MACROD2: variants seen among roughly 807,000 people sequenced by gnomAD.
MACROD2 encodes the protein mono-ADP ribosylhydrolase 2, also known as ADP-ribose glycohydrolase MACROD2.
Under a neutral mutation model 70.4 loss-of-function variants are expected in MACROD2, and 36 were observed. The ratio of observed to expected loss-of-function variants is 0.51; its 90% CI spans 0.39 to 0.68. The LOEUF is 0.68. MACROD2 is among the 30% of genes least tolerant of loss of function. The pLI is 0.00. For missense variants in MACROD2, 496 were observed against 538.4 expected (o/e 0.92, Z 0.78); for synonymous variants, 172 against 178.8 (o/e 0.96, Z 0.30).
At position 14,815,013 on chromosome 20, in the gene MACROD2, G is replaced by T. The variant is rs375016376; in HGVS notation, c.418+130054G>T. ...GTTAAACACTATATCCTGAAACAATGACCTGGAATTTTGCAAACAAAAGAG... is the reference window on the plus strand; with the variant it reads ...GTTAAACACTATATCCTGAAACAATTACCTGGAATTTTGCAAACAAAAGAG... On this transcript the variant is annotated intron_variant, in intron 5 of 17. Coordinates refer to ENST00000684519, the MANE Select transcript of MACROD2 (RefSeq NM_001351661.2). 2.6e-5 allele frequency among the ~76,000 whole-genome samples: 4 copies of T among 151,952 alleles called. No homozygotes were observed. The East Asian group carries it at 5.8e-4, about 22-fold the overall frequency.
At chr20:15,055,934 C>A (rs1390140444) in intron 5 of MACROD2, among the ~76,000 whole-genome samples, 6 of 151,806 alleles carry the variant, frequency 4.0e-5, no homozygotes, top group Non-Finnish European at 7.4e-5. Context: ...TTATAGGCGC[C>A]CACCACCATG....
At chr20:14,801,022 A>G (rs1482737541) in intron 5 of MACROD2, among the ~76,000 whole-genome samples, 1 of 152,164 alleles carries the variant, frequency 6.6e-6, no homozygotes, top group Non-Finnish European at 1.5e-5. Context: ...CTCAATGTTT[A>G]TACAAAGGGA....
intron 15 of MACROD2, among the ~76,000 whole-genome samples, chr20:15,989,143 A>G (rs538908566): frequency 7.6e-4 from 116 of 152,336 alleles, no homozygotes; most frequent in Middle Eastern, 3.4e-3. Context: ...AATGCACTCC[A>G]TAAGTATTTA....
In MACROD2 at chr20:15,031,432, G is replaced by A. The variant is rs940139083; in HGVS notation, c.419-198508G>A. 2.6e-5 allele frequency among the ~76,000 whole-genome samples: 4 copies of A among 152,192 alleles called. No homozygotes were observed. The South Asian group carries it at 8.3e-4, about 31-fold the overall frequency. On this transcript the variant is annotated intron_variant, in intron 5 of 17. Coordinates refer to ENST00000684519, the MANE Select transcript of MACROD2 (RefSeq NM_001351661.2). The stretch of plus-strand genomic sequence containing the variant: ...TTGTCTGGCATCCAGGAAGAATGAG[G>A]TATGTGGACAACTGGAAGGTGAGCA...
At chr20:14,348,021 G>T (rs751302916) in intron 3 of MACROD2, among the ~76,000 whole-genome samples, 20 of 152,090 alleles carry the variant, frequency 1.3e-4, no homozygotes, top group Non-Finnish European at 2.8e-4. Context: ...CAGCATTTTG[G>T]GAGGCTGAGG....
In MACROD2 at chr20:15,047,458, A is replaced by G. The variant is rs575057235; in HGVS notation, c.419-182482A>G. Among the ~76,000 whole-genome samples the G allele has an allele frequency of 5.1e-4, 78 of 152,326 alleles. 4 individuals carry two copies. In the South Asian group the frequency reaches 0.015, roughly 30 times the overall value. ...GGACACTTATGGAATTATATAAGAT[A>G]AAAATTAGTATGATACACCCATATT... is the stretch of plus-strand genomic sequence containing the variant. On this transcript the variant is annotated intron_variant, in intron 5 of 17. Coordinates refer to ENST00000684519, the MANE Select transcript of MACROD2 (RefSeq NM_001351661.2).
chr20:14,849,969 TC>T (rs150281873), intron 5 of MACROD2: 94 of 517,090 alleles, frequency 1.8e-4, no homozygotes, highest in African/African-American at 1.8e-3. Context: ...ATCTATTACT[TC>T]AATCACTCCA....
At chr20:15,250,305 CA>C (rs2077144072) in intron 6 of MACROD2, among the ~76,000 whole-genome samples, 1 of 152,130 alleles carries the variant, frequency 6.6e-6, no homozygotes, top group Admixed American at 6.5e-5. Flanking sequence ...CTTTTGTACA[CA>C]GCTTTTATGT....
intron 5 of MACROD2, among the ~76,000 whole-genome samples, chr20:14,906,599 A>G (rs941931494): frequency 6.6e-6 from 1 of 152,204 alleles, no homozygotes; most frequent in African/African-American, 2.4e-5. Flanking sequence ...TTTAGCACAG[A>G]TATCAGCCAG....
chr20:14,910,095 A>C (rs1487612021), intron 5 of MACROD2, among the ~76,000 whole-genome samples: 1 of 152,178 alleles, frequency 6.6e-6, no homozygotes, highest in Non-Finnish European at 1.5e-5. Context: ...CTCTCTTTTG[A>C]GAATGTTTGA....
At chr20:14,273,002 G>C (rs543588455) in intron 3 of MACROD2, among the ~76,000 whole-genome samples, 7 of 151,440 alleles carry the variant, frequency 4.6e-5, no homozygotes, top group African/African-American at 1.4e-4. Flanking sequence ...AGCAAGTCCT[G>C]AGTGACCTAC....
intron 6 of MACROD2, among the ~76,000 whole-genome samples, chr20:15,421,288 G>GGATCA (rs2046224480): frequency 6.6e-6 from 1 of 151,974 alleles, no homozygotes; most frequent in Non-Finnish European, 1.5e-5. Context: ...TGAGGTGAGA[G>GGATCA]GATCACCTCA....
intron 2 of MACROD2, among the ~76,000 whole-genome samples, chr20:14,033,699 A>G (rs1302489866): frequency 1.3e-5 from 2 of 152,178 alleles, no homozygotes; most frequent in Non-Finnish European, 2.9e-5. Context: ...CCAAATCCAT[A>G]ACCACCATTA....
intron 5 of MACROD2, among the ~76,000 whole-genome samples, chr20:15,171,168 C>T (rs915929022): frequency 2.0e-5 from 3 of 152,128 alleles, no homozygotes; most frequent in African/African-American, 7.2e-5. Context: ...TGTTTATTGG[C>T]AGTACTTAGA....
At chr20:14,528,396 C>T (rs62202876) in intron 4 of MACROD2, among the ~76,000 whole-genome samples, 21,302 of 150,970 alleles carry the variant, frequency 0.14, 2,143 homozygotes, top group Non-Finnish European at 0.21. Flanking sequence ...TCTGGTGATC[C>T]ACCCGCCTCG....
intron 3 of MACROD2, among the ~76,000 whole-genome samples, chr20:14,459,936 T>G (rs2084348679): frequency 6.6e-6 from 1 of 152,110 alleles, no homozygotes; most frequent in African/African-American, 2.4e-5. Context: ...CTATGTATTT[T>G]CATTGTTCAA....
rs892896802 is a variant in MACROD2 at position 15,819,399 on chromosome 20, ATATT to A, written c.646-43342_646-43339del. ...TATAAATATAGATAACATATATAAA[ATATT>A]TATATATATTTATATAAATATAAAT... On this transcript the variant is annotated intron_variant, in intron 8 of 17. Coordinates refer to ENST00000684519, the MANE Select transcript of MACROD2 (RefSeq NM_001351661.2). Among the ~76,000 whole-genome samples the A allele has an allele frequency of 2.8e-3, 408 of 143,638 alleles. 1 individual carries two copies. The highest frequency in any genetic ancestry group is 7.6e-3 in the African/African-American group (302 of 39,530). The allele number at this position is 143,638 out of a possible 152,430, so 94.2% of individuals were successfully genotyped here.
At chr20:14,901,682 T>A (rs777664429) in intron 5 of MACROD2, among the ~76,000 whole-genome samples, 4 of 152,176 alleles carry the variant, frequency 2.6e-5, no homozygotes, top group Non-Finnish European at 5.9e-5. Context: ...TTTAAAACAC[T>A]GCCAAAATCG....
intron 7 of MACROD2, among the ~76,000 whole-genome samples, chr20:15,489,149 T>A (rs537333596): frequency 6.6e-6 from 1 of 152,198 alleles, no homozygotes; most frequent in Non-Finnish European, 1.5e-5. Flanking sequence ...AAAGAAAAAG[T>A]GTCTCAAGAC....
Sources: gnomAD v4.1 joint callset for allele counts (sites outside exome capture counted in the v4.1 genomes callset) on GRCh38, gnomAD v4.1.1 for gene constraint, MANE v1.5 for transcripts, NCBI Gene and HGNC (gene_info 2026-07-23, HGNC 2026-07-21) for gene names.